The following TFCP2 variants were observed in gnomAD, a reference collection of about 807,000 sequenced individuals.
The protein encoded by TFCP2 is transcription factor CP2.
In TFCP2, 33 loss-of-function variants were observed where a neutral mutation model predicts 73.4. The observed-to-expected ratio is 0.45, with a 90% confidence interval of 0.34 to 0.60. TFCP2 has a LOEUF of 0.60. Among genes scored for constraint, TFCP2 ranks in the 20% least tolerant of loss-of-function variants. The pLI is 0.01. For missense variants in TFCP2, 352 were observed against 604.0 expected (o/e 0.58, Z 4.37); for synonymous variants, 193 against 211.6 (o/e 0.91, Z 0.76).
chr12:51,157,818 G>T (rs564232407), intron 1 of TFCP2, among the ~76,000 whole-genome samples: 6 of 150,404 alleles, frequency 4.0e-5, no homozygotes, highest in South Asian at 2.1e-4. Context: ...AGCCTCCCAA[G>T]TAGCTGGGAT....
intron 1 of TFCP2, among the ~76,000 whole-genome samples, chr12:51,141,905 C>CAAAAAA (rs34943578): frequency 1.6e-5 from 1 of 63,504 alleles, no homozygotes; most frequent in East Asian, 4.5e-4. Flanking sequence ...GACTCTGTCT[C>CAAAAAA]AAAAAAAAAA....
At position 51,172,941 on chromosome 12, in the gene TFCP2, A is replaced by G. The variant is rs1223017974; in HGVS notation, c.-519T>C. On this transcript the variant is annotated 5_prime_UTR_variant, in exon 1 of 15. Coordinates refer to ENST00000257915, the MANE Select transcript of TFCP2 (RefSeq NM_005653.5). ...CGATCACTTCCGGTCACCCCTTCTC[A>G]ACCCCACGGCTTAGAACCAAATCCA... is the stretch of plus-strand genomic sequence containing the variant. 1.3e-5 allele frequency: 2 copies of G among 158,074 alleles called. No homozygotes were observed. The highest frequency in any genetic ancestry group is 1.2e-4 in the Admixed American group (2 of 16,628). 9.8% of individuals were successfully genotyped at this position (158,074 alleles called of 1,614,324 possible). A position where few individuals can be genotyped will look rare whatever the true frequency, so the allele number is the denominator to read the frequency against.
chr12:51,110,095 T>C (rs1029261015), intron 5 of TFCP2, among the ~76,000 whole-genome samples: 2 of 152,174 alleles, frequency 1.3e-5, no homozygotes, highest in Non-Finnish European at 2.9e-5. Context: ...AAATCATATA[T>C]ATAAAGTGTT....
At chr12:51,172,002 C>G (rs548421188) in intron 1 of TFCP2, among the ~76,000 whole-genome samples, 1 of 152,272 alleles carries the variant, frequency 6.6e-6, no homozygotes, top group East Asian at 1.9e-4. Context: ...CACACATACA[C>G]CATCAGTCCC....
chr12:51,116,532 T>C lies in TFCP2; in HGVS notation c.352-112A>G, dbSNP rs181050075. 2.0e-5 allele frequency: 10 copies of C among 498,890 alleles called. No individual in the cohort carries two copies. In the Admixed American group the frequency reaches 3.6e-4, roughly 18 times the overall value. The allele number at this position is 498,890 out of a possible 1,614,324, so 30.9% of individuals were successfully genotyped here. ...TTTGTTTCTAAACGCAATCTAAAAT[T>C]ATTTTTCTTAAGATCTGTTTCACTC... On this transcript the variant is annotated intron_variant, in intron 3 of 14. Coordinates refer to ENST00000257915, the MANE Select transcript of TFCP2 (RefSeq NM_005653.5).
At chr12:51,139,159 T>C (rs551192219) in intron 1 of TFCP2, among the ~76,000 whole-genome samples, 3 of 152,308 alleles carry the variant, frequency 2.0e-5, no homozygotes, top group African/African-American at 4.8e-5. Context: ...ACTAGCTTTT[T>C]ATCATTATCC....
intron 1 of TFCP2, among the ~76,000 whole-genome samples, chr12:51,122,818 T>G (rs527753531): frequency 2.0e-5 from 3 of 152,222 alleles, no homozygotes; most frequent in South Asian, 4.1e-4. Flanking sequence ...AAGTTACCAG[T>G]GCTCTCCTAA....
chr12:51,141,614 C>G (rs1486305240), intron 1 of TFCP2, among the ~76,000 whole-genome samples: 1 of 151,680 alleles, frequency 6.6e-6, no homozygotes, highest in Admixed American at 6.6e-5. Flanking sequence ...AAATAGGGGT[C>G]TTTAGCTGGG....
At chr12:51,171,709 T>C (rs1378087793) in intron 1 of TFCP2, among the ~76,000 whole-genome samples, 1 of 152,230 alleles carries the variant, frequency 6.6e-6, no homozygotes, top group Non-Finnish European at 1.5e-5. Context: ...TATCAACAAC[T>C]GGCTTGATAC....
At chr12:51,172,039 C>G (rs568230159) in intron 1 of TFCP2, among the ~76,000 whole-genome samples, 1 of 152,298 alleles carries the variant, frequency 6.6e-6, no homozygotes, top group East Asian at 1.9e-4. Flanking sequence ...GCACAAAAGC[C>G]TCTCAACATT....
chr12:51,160,229 G>C (rs919565599), intron 1 of TFCP2, among the ~76,000 whole-genome samples: 5 of 149,818 alleles, frequency 3.3e-5, no homozygotes, highest in Admixed American at 6.7e-5. Context: ...TCCGCCTCCA[G>C]GGTTCAAGCG....
chr12:51,107,614 C>CT (rs1001887563), intron 6 of TFCP2, among the ~76,000 whole-genome samples: 35 of 149,572 alleles, frequency 2.3e-4, no homozygotes, highest in African/African-American at 5.1e-4. Flanking sequence ...ACATTTCTTT[C>CT]TTTTTTTTTT....
At chr12:51,128,747 C>T (rs1314867043) in intron 1 of TFCP2, among the ~76,000 whole-genome samples, 4 of 152,126 alleles carry the variant, frequency 2.6e-5, no homozygotes, top group African/African-American at 9.7e-5. Flanking sequence ...TGGAAGAAGG[C>T]TCAGTAGTAT....
chr12:51,152,580 T>C (rs533154886), intron 1 of TFCP2, among the ~76,000 whole-genome samples: 6 of 152,258 alleles, frequency 3.9e-5, no homozygotes, highest in African/African-American at 1.4e-4. Flanking sequence ...AGTATTTAGG[T>C]GTTTGGGGCG....
In TFCP2 at chr12:51,094,855, AT is replaced by A. The variant is rs1216286569; in HGVS notation, c.*385del. 1 of 193,478 alleles carries A rather than the reference AT, an allele frequency of 5.2e-6. No individual in the cohort carries two copies. The highest frequency in any genetic ancestry group is 2.3e-5 in the African/African-American group (1 of 43,064). The allele number at this position is 193,478 out of a possible 1,614,324, so 12.0% of individuals were successfully genotyped here. ...CCTAGTCTTATGAATATAGATACCC[AT>A]TTTTATATAAGAAAAAAATTACAGG... On this transcript the variant is annotated 3_prime_UTR_variant, in exon 15 of 15. Transcript: ENST00000257915.
intron 6 of TFCP2, among the ~76,000 whole-genome samples, 179 bp downstream of exon 6, chr12:51,108,942 G>A (rs1940326097): frequency 6.6e-6 from 1 of 151,948 alleles, no homozygotes; most frequent in Non-Finnish European, 1.5e-5. Flanking sequence ...ATTATCCTAC[G>A]ACCATGTAAA....
chr12:51,164,142 G>A lies in TFCP2; in HGVS notation c.122+8159C>T, dbSNP rs117591552. 2.2e-4 allele frequency among the ~76,000 whole-genome samples: 34 copies of A among 152,248 alleles called. No individual in the cohort carries two copies. The East Asian group carries it at 5.4e-3, about 24-fold the overall frequency. On this transcript the variant is annotated intron_variant, in intron 1 of 14. Coordinates refer to ENST00000257915, the MANE Select transcript of TFCP2 (RefSeq NM_005653.5). The stretch of plus-strand genomic sequence containing the variant: ...CACTTGAGCCCAGCAGTTTGAGGTT[G>A]CAGTGCATATGATCACACCACTGCA...
chr12:51,133,505 G>A (rs544202815), intron 1 of TFCP2, among the ~76,000 whole-genome samples: 6 of 152,224 alleles, frequency 3.9e-5, no homozygotes, highest in Middle Eastern at 3.4e-3. Context: ...GAGGCCTTGC[G>A]ATGCTGCCCA....
chr12:51,163,189 A>G (rs1249615547), intron 1 of TFCP2, among the ~76,000 whole-genome samples: 1 of 152,210 alleles, frequency 6.6e-6, no homozygotes, highest in Non-Finnish European at 1.5e-5. Flanking sequence ...GGTCCCAGCT[A>G]CTTGGGAGAC....
Sources: allele counts gnomAD v4.1 joint callset (sites outside exome capture counted in the v4.1 genomes callset), GRCh38; gene constraint gnomAD v4.1.1; transcripts MANE v1.5; gene names NCBI Gene and HGNC (gene_info 2026-07-23, HGNC 2026-07-21).